The following NR2F1-AS1 variants were observed in gnomAD, a reference collection of about 807,000 sequenced individuals.
NR2F1-AS1 encodes the protein NR2F1 antisense RNA 1.
chr5:93,567,280 G>C (rs978824749), intron 1 of NR2F1-AS1, among the ~76,000 whole-genome samples: 1 of 151,900 alleles, frequency 6.6e-6, no homozygotes, highest in Admixed American at 6.6e-5. Context: ...AATTTTTATG[G>C]AACAAACATT....
At chr5:93,411,109 T>C (rs551099285) in intron 4 of NR2F1-AS1, 5 of 152,336 alleles carry the variant, frequency 3.3e-5, no homozygotes, top group African/African-American at 7.2e-5. Context: ...TGTAAATTTA[T>C]TGAAGACAGG....
In NR2F1-AS1 at chr5:93,579,550, C is replaced by G. The variant is rs1478176052; in HGVS notation, n.313+917G>C. 6.6e-6 allele frequency among the ~76,000 whole-genome samples: 1 copy of G among 152,190 alleles called. No individual in the cohort carries two copies. Among genetic ancestry groups the G allele is most frequent in the Non-Finnish European group, 1.5e-5 (1 of 68,022 alleles). ...TGGCCCTCACCTACAGGGCCTGACC[C>G]CGGGCCAGCCCAGCTAGGCAAGGCC... On this transcript the variant is annotated intron_variant and non_coding_transcript_variant, in intron 1 of 5. Transcript: ENST00000660523. The surrounding 1 kb of genome is among the most constrained non-coding windows in gnomAD (Gnocchi z 5.1).
chr5:93,410,204 ATTAC>A (rs1313897739), intron 4 of NR2F1-AS1: 3 of 152,326 alleles, frequency 2.0e-5, no homozygotes, highest in African/African-American at 7.2e-5. Context: ...TACTGAAATA[ATTAC>A]TTAGCCAAAT....
chr5:93,436,966 A>T (rs1749445220), intron 4 of NR2F1-AS1, among the ~76,000 whole-genome samples: 1 of 151,844 alleles, frequency 6.6e-6, no homozygotes, highest in Non-Finnish European at 1.5e-5. Context: ...AGCTGATTTT[A>T]AGTGAAACTC....
At chr5:93,469,883 C>T (rs2149869543) in intron 4 of NR2F1-AS1, among the ~76,000 whole-genome samples, 1 of 152,060 alleles carries the variant, frequency 6.6e-6, no homozygotes, top group Admixed American at 6.5e-5. Context: ...AAAGCTATGC[C>T]TTCAGTGACA....
chr5:93,448,016 A>G (rs1294435507), intron 4 of NR2F1-AS1, among the ~76,000 whole-genome samples: 1 of 152,110 alleles, frequency 6.6e-6, no homozygotes, highest in Non-Finnish European at 1.5e-5. Flanking sequence ...ACTTGGACAC[A>G]GGGTGGGGAA....
At chr5:93,578,143 A>T (rs1752937755) in intron 1 of NR2F1-AS1, among the ~76,000 whole-genome samples, 2 of 152,190 alleles carry the variant, frequency 1.3e-5, no homozygotes, top group South Asian at 4.1e-4. Flanking sequence ...ACAGACAGAC[A>T]GTCCGCTTAG....
chr5:93,544,078 C>A (rs941415260), intron 4 of NR2F1-AS1: 1 of 150,834 alleles, frequency 6.6e-6, no homozygotes. Context: ...CTTAACAGGA[C>A]CTAAGAAATG....
At chr5:93,535,151 CAAA>C (rs59297889) in intron 4 of NR2F1-AS1, among the ~76,000 whole-genome samples, 1 of 126,852 alleles carries the variant, frequency 7.9e-6, no homozygotes, top group Admixed American at 8.2e-5. Flanking sequence ...GAGACTCAGA[CAAA>C]AAAAAAAAAT....
chr5:93,560,467 G>A (rs972213447), intron 2 of NR2F1-AS1, among the ~76,000 whole-genome samples: 1 of 152,188 alleles, frequency 6.6e-6, no homozygotes, highest in South Asian at 2.1e-4. Context: ...CTTTGTCGTT[G>A]ACATTAGTTG....
At chr5:93,416,914 T>C (rs192797494) in intron 4 of NR2F1-AS1, among the ~76,000 whole-genome samples, 24 of 152,360 alleles carry the variant, frequency 1.6e-4, no homozygotes, top group African/African-American at 5.5e-4. Context: ...AATATTTACC[T>C]GGCATTTATG....
At position 93,466,904 on chromosome 5, in the gene NR2F1-AS1, TGGG is replaced by T. The variant is rs34396649; in HGVS notation, n.639-71365_639-71363del. On this transcript the variant is annotated intron_variant and non_coding_transcript_variant, in intron 4 of 5. Transcript: ENST00000660523. Reference sequence around the variant, plus strand: ...TTCCTTCTCCAGAATATCCCTTTTTTGGGGGGGGGGGGGGTGGACGGAGTCTCA... The same window carrying T: ...TTCCTTCTCCAGAATATCCCTTTTTTGGGGGGGGGGGTGGACGGAGTCTCA... Among the ~76,000 whole-genome samples, 109 of 15,530 alleles carry T rather than the reference TGGG, an allele frequency of 7.0e-3. 6 individuals are homozygous for T. Among genetic ancestry groups the T allele is most frequent in the African/African-American group, 0.014 (104 of 7,296 alleles). 10.2% of individuals were successfully genotyped at this position (15,530 alleles called of 152,430 possible).
intron 4 of NR2F1-AS1, among the ~76,000 whole-genome samples, chr5:93,551,827 G>T (rs1752237056): frequency 6.6e-6 from 1 of 152,070 alleles, no homozygotes; most frequent in African/African-American, 2.4e-5. Context: ...AATAATAAAT[G>T]CTTGGTTTTT....
intron 4 of NR2F1-AS1, among the ~76,000 whole-genome samples, chr5:93,534,713 G>A (rs537341148): frequency 7.2e-4 from 109 of 152,288 alleles, no homozygotes; most frequent in Non-Finnish European, 1.2e-3. Flanking sequence ...GCCAGGCAGA[G>A]AAGTAGATCA....
intron 1 of NR2F1-AS1, among the ~76,000 whole-genome samples, chr5:93,565,395 AAAAAAGTATTTATTT>A (rs1213728173): frequency 1.3e-5 from 2 of 152,128 alleles, no homozygotes; most frequent in Non-Finnish European, 2.9e-5. Context: ...TCCAACATTT[AAAAAAGTATTTATTT>A]AAAAAGTATT....
At chr5:93,537,435 T>C (rs1237497889) in intron 4 of NR2F1-AS1, among the ~76,000 whole-genome samples, 1 of 152,102 alleles carries the variant, frequency 6.6e-6, no homozygotes, top group Non-Finnish European at 1.5e-5. Context: ...AAGGGGTTAA[T>C]ATCCAGAATA....
chr5:93,511,191 TAC>T (rs1288977543), intron 4 of NR2F1-AS1, among the ~76,000 whole-genome samples: 1 of 152,186 alleles, frequency 6.6e-6, no homozygotes, highest in East Asian at 1.9e-4. Flanking sequence ...CTCAGTAAAG[TAC>T]ATTGCCCTCC....
In NR2F1-AS1 at chr5:93,481,111, T is replaced by C. The variant is rs191841405; in HGVS notation, n.638+72650A>G. On this transcript the variant is annotated intron_variant and non_coding_transcript_variant, in intron 4 of 5. Transcript: ENST00000660523. ...TTAAAAACATGATCCAGCTAGTTGC[T>C]GCTTAAAAGAGACCAATTTTAGACC... 1.1e-3 allele frequency among the ~76,000 whole-genome samples: 164 copies of C among 152,188 alleles called. 1 individual carries two copies. The highest frequency in any genetic ancestry group is 3.8e-3 in the African/African-American group (160 of 41,570).
Position 93,484,245 on chromosome 5 carries a change from C to T in NR2F1-AS1, n.638+69516G>A, listed in dbSNP as rs957092827. ...AAAGGGAAGCCCATCAGACTAACAG[C>T]GGATCTCTCTGCAGAAACCCTACAA... is the stretch of plus-strand genomic sequence containing the variant. On this transcript the variant is annotated intron_variant and non_coding_transcript_variant, in intron 4 of 5. Transcript: ENST00000660523. Among the ~76,000 whole-genome samples the T allele has an allele frequency of 3.3e-5, 5 of 152,156 alleles. No individual in the cohort carries two copies. The East Asian group carries it at 7.7e-4, about 23-fold the overall frequency.
Sources: gnomAD v4.1 joint callset for allele counts (sites outside exome capture counted in the v4.1 genomes callset) on GRCh38, gnomAD v4.1.1 for gene constraint, Gnocchi (gnomAD v3.1) non-coding constraint, MANE v1.5 for transcripts, NCBI Gene and HGNC (gene_info 2026-07-23, HGNC 2026-07-21) for gene names.